TSPAN12: variants seen among roughly 807,000 people sequenced by gnomAD.
TSPAN12 encodes the protein tetraspanin 12.
A neutral mutation model predicts 39.2 loss-of-function variants in TSPAN12; 19 were observed. That is an observed-to-expected ratio of 0.49 (90% CI 0.34 to 0.71). The LOEUF is 0.71. Ranked by LOEUF, TSPAN12 falls within the 30% of genes least tolerant of loss-of-function variation. TSPAN12 has a pLI of 0.01. For synonymous variants in TSPAN12, 119 were observed against 124.8 expected, an observed-to-expected ratio of 0.95 and a Z score of 0.31; for missense variants, 314 against 359.9, an observed-to-expected ratio of 0.87 and a Z score of 1.03.
intron 4 of TSPAN12, among the ~76,000 whole-genome samples, chr7:120,835,830 A>C (rs1423527251): frequency 6.6e-6 from 1 of 152,214 alleles, no homozygotes; most frequent in Non-Finnish European, 1.5e-5. Flanking sequence ...ATTTAAATGA[A>C]AGTACTGAGA....
chr7:120,826,695 T>A (rs779981660), intron 4 of TSPAN12, among the ~76,000 whole-genome samples: 1 of 152,082 alleles, frequency 6.6e-6, no homozygotes, highest in Non-Finnish European at 1.5e-5. Context: ...AAGAGGGGAA[T>A]GAGTTCACTA....
Position 120,787,900 on chromosome 7 carries a change from G to A in TSPAN12, c.*692C>T, listed in dbSNP as rs1417755956. 6.6e-6 allele frequency: 1 copy of A among 152,664 alleles called. No homozygotes were observed. Among genetic ancestry groups the A allele is most frequent in the Non-Finnish European group, 1.5e-5 (1 of 68,110 alleles). The allele number at this position is 152,664 out of a possible 1,614,324, so 9.5% of individuals were successfully genotyped here. On this transcript the variant is annotated 3_prime_UTR_variant, in exon 8 of 8. Coordinates refer to ENST00000222747, the MANE Select transcript of TSPAN12 (RefSeq NM_012338.4). Reference sequence around the variant, plus strand: ...ATTAACAGGAAAGGCTAAAAATAATGATGCTATACAGGACAAATTTTCCTT... The same window carrying A: ...ATTAACAGGAAAGGCTAAAAATAATAATGCTATACAGGACAAATTTTCCTT...
intron 2 of TSPAN12, among the ~76,000 whole-genome samples, chr7:120,852,952 C>T (rs1794796969): frequency 6.6e-6 from 1 of 152,172 alleles, no homozygotes; most frequent in South Asian, 2.1e-4. Context: ...GGAATGTCTC[C>T]AGCACAGGCT....
At chr7:120,827,751 G>A (rs1353952509) in intron 4 of TSPAN12, among the ~76,000 whole-genome samples, 1 of 152,180 alleles carries the variant, frequency 6.6e-6, no homozygotes, top group African/African-American at 2.4e-5. Flanking sequence ...TAACATTCTT[G>A]AAAAGTTTAT....
chr7:120,814,435 T>C (rs1034228304), intron 5 of TSPAN12, among the ~76,000 whole-genome samples: 3 of 152,150 alleles, frequency 2.0e-5, no homozygotes, highest in Non-Finnish European at 2.9e-5. Context: ...TTAAGAATCA[T>C]CCTGGGTGGC....
rs1794881997 is a variant in TSPAN12, at chr7:120,856,853, G to T, written c.-70-20C>A. ...AGCGATCTGCAGGGGGCGGGGGAGA[G>T]AGAACACGGGACATCTCACCATCAC... On this transcript the variant is annotated intron_variant, in intron 1 of 7. Coordinates refer to ENST00000222747, the MANE Select transcript of TSPAN12 (RefSeq NM_012338.4). 8.9e-6 allele frequency: 12 copies of T among 1,355,372 alleles called. No individual in the cohort carries two copies. Among genetic ancestry groups the T allele is most frequent in the Non-Finnish European group, 1.3e-5 (12 of 950,382 alleles). 84.0% of individuals were successfully genotyped at this position (1,355,372 alleles called of 1,614,324 possible). A position where few individuals can be genotyped will look rare whatever the true frequency, so the allele number is the denominator to read the frequency against.
chr7:120,828,831 T>G (rs1463207667), intron 4 of TSPAN12, among the ~76,000 whole-genome samples: 2 of 152,076 alleles, frequency 1.3e-5, no homozygotes, highest in Non-Finnish European at 2.9e-5. Flanking sequence ...TGTAAAATAT[T>G]TTAAATGCTT....
intron 2 of TSPAN12, among the ~76,000 whole-genome samples, chr7:120,842,562 G>C (rs764232908): frequency 6.6e-6 from 1 of 151,808 alleles, no homozygotes; most frequent in Admixed American, 6.6e-5. Flanking sequence ...GTTGGGCTTC[G>C]ACGTGCCAGG....
chr7:120,839,057 T>C (rs188220108), intron 3 of TSPAN12, 145 bp from the exon 4 acceptor site: 3 of 890,350 alleles, frequency 3.4e-6, no homozygotes, highest in Non-Finnish European at 5.2e-6. Context: ...ATTTTCAAAA[T>C]CACTGTGCTA....
intron 4 of TSPAN12, among the ~76,000 whole-genome samples, chr7:120,820,314 A>G (rs1474971946): frequency 1.3e-5 from 2 of 152,186 alleles, no homozygotes; most frequent in Non-Finnish European, 2.9e-5. Context: ...ATAAAGATAA[A>G]AAAAAGAACC....
chr7:120,817,249 C>A (rs1794102295), intron 4 of TSPAN12, among the ~76,000 whole-genome samples: 1 of 151,854 alleles, frequency 6.6e-6, no homozygotes, highest in South Asian at 2.1e-4. Flanking sequence ...ATTAGCCAGG[C>A]ATGGTGGTAT....
intron 4 of TSPAN12, among the ~76,000 whole-genome samples, chr7:120,817,333 G>A (rs1272024348): frequency 2.0e-5 from 3 of 152,016 alleles, no homozygotes; most frequent in South Asian, 2.1e-4. Context: ...AGGCTGTAGT[G>A]AGCAATGATC....
At chr7:120,848,831 T>A (rs1032679428) in intron 2 of TSPAN12, among the ~76,000 whole-genome samples, 1 of 152,232 alleles carries the variant, frequency 6.6e-6, no homozygotes, top group Non-Finnish European at 1.5e-5. Flanking sequence ...CTTTACTCAC[T>A]GGGCTTGAGA....
intron 2 of TSPAN12, among the ~76,000 whole-genome samples, chr7:120,849,811 T>A (rs1794737366): frequency 6.6e-6 from 1 of 152,256 alleles, no homozygotes; most frequent in Non-Finnish European, 1.5e-5. Context: ...CACCTGGAAC[T>A]CCTGGGCTCA....
chr7:120,796,001 T>C (rs1793621136), intron 7 of TSPAN12, among the ~76,000 whole-genome samples: 2 of 152,222 alleles, frequency 1.3e-5, no homozygotes, highest in Admixed American at 1.3e-4. Flanking sequence ...CCTCGCAATA[T>C]CCCTATTACA....
chr7:120,852,009 G>A (rs1794777848), intron 2 of TSPAN12, among the ~76,000 whole-genome samples: 1 of 152,074 alleles, frequency 6.6e-6, no homozygotes, highest in Admixed American at 6.6e-5. Flanking sequence ...GCTATGGATT[G>A]TTTCTTCTTA....
chr7:120,834,830 C>CA (rs756404159), intron 4 of TSPAN12, among the ~76,000 whole-genome samples: 37 of 152,260 alleles, frequency 2.4e-4, no homozygotes, highest in Non-Finnish European at 3.4e-4. Context: ...AAAGGGCACA[C>CA]AAAAAATACT....
chr7:120,842,881 A>T (rs184867931), intron 2 of TSPAN12, among the ~76,000 whole-genome samples: 124 of 151,932 alleles, frequency 8.2e-4, no homozygotes, highest in African/African-American at 2.8e-3. Flanking sequence ...TTTATAGAAG[A>T]ATTTCTGCTA....
intron 4 of TSPAN12, among the ~76,000 whole-genome samples, chr7:120,836,265 C>CTTTAGCAGATCTTTAGT (rs1794474603): frequency 6.6e-6 from 1 of 152,132 alleles, no homozygotes; most frequent in Non-Finnish European, 1.5e-5. Flanking sequence ...GTTGAGACCA[C>CTTTAGCAGATCTTTAGT]AGATCATTCT....
Sources: allele counts gnomAD v4.1 joint callset (sites outside exome capture counted in the v4.1 genomes callset), GRCh38; gene constraint gnomAD v4.1.1; transcripts MANE v1.5; gene names NCBI Gene and HGNC (gene_info 2026-07-23, HGNC 2026-07-21).